Variants in ST6GALNAC5 observed in about 807,000 individuals in gnomAD.
ST6GALNAC5 encodes ST6 N-acetylgalactosaminide alpha-2,6-sialyltransferase 5, also known as alpha-N-acetylgalactosaminide alpha-2,6-sialyltransferase 5.
Under a neutral mutation model 33.6 loss-of-function variants are expected in ST6GALNAC5, and 27 were observed. That is an observed-to-expected ratio of 0.80 (90% CI 0.59 to 1.11). ST6GALNAC5 has a LOEUF of 1.11. ST6GALNAC5 is among the 50% of genes least tolerant of loss of function. The pLI, the probability that ST6GALNAC5 is intolerant of heterozygous loss-of-function variation, is 0.00. For missense variants in ST6GALNAC5, 428 were observed against 454.0 expected, an observed-to-expected ratio of 0.94 and a Z score of 0.52; for synonymous variants, 194 against 171.2, an observed-to-expected ratio of 1.13 and a Z score of -1.04.
chr1:76,886,364 A>G (rs984167471), intron 2 of ST6GALNAC5, among the ~76,000 whole-genome samples: 1 of 152,152 alleles, frequency 6.6e-6, no homozygotes, highest in Non-Finnish European at 1.5e-5. Context: ...TTTTTCAAGT[A>G]TATGGTATTA....
At chr1:76,990,958 T>C (rs1285000674) in intron 2 of ST6GALNAC5, among the ~76,000 whole-genome samples, 1 of 152,120 alleles carries the variant, frequency 6.6e-6, no homozygotes, top group Admixed American at 6.5e-5. Context: ...CTAGGGCTTC[T>C]GGAAAGGAGC....
At chr1:76,912,917 C>T (rs900230391) in intron 2 of ST6GALNAC5, among the ~76,000 whole-genome samples, 3 of 151,176 alleles carry the variant, frequency 2.0e-5, no homozygotes, top group Admixed American at 6.6e-5. Flanking sequence ...AGTCCATTTA[C>T]ATTTAAAGTT....
At chr1:76,965,214 C>T (rs1648412355) in intron 2 of ST6GALNAC5, among the ~76,000 whole-genome samples, 1 of 107,900 alleles carries the variant, frequency 9.3e-6, no homozygotes, top group Admixed American at 9.8e-5. Context: ...ATTAGTTTAC[C>T]ACCCCCCCCA....
chr1:77,022,861 T>C (rs368510039), intron 2 of ST6GALNAC5, among the ~76,000 whole-genome samples: 7 of 152,186 alleles, frequency 4.6e-5, no homozygotes, highest in African/African-American at 1.7e-4. Context: ...GTGTTCTTTA[T>C]GGATATATAT....
rs550372928 is a variant in ST6GALNAC5, at chr1:77,031,395, C to G, written c.262-12809C>G. 2.6e-5 allele frequency among the ~76,000 whole-genome samples: 4 copies of G among 152,340 alleles called. No individual in the cohort carries two copies. In the South Asian group the frequency reaches 8.3e-4, roughly 32 times the overall value. On this transcript the variant is annotated intron_variant, in intron 2 of 4. Coordinates refer to ENST00000477717, the MANE Select transcript of ST6GALNAC5 (RefSeq NM_030965.3). ...TCTTCCACTCTCAGAGCCCCTAACACAGGCAGTTCAGTAAACAAACCATCA... is the reference window on the plus strand; with the variant it reads ...TCTTCCACTCTCAGAGCCCCTAACAGAGGCAGTTCAGTAAACAAACCATCA...
chr1:76,965,754 G>A (rs897041516), intron 2 of ST6GALNAC5, among the ~76,000 whole-genome samples: 1 of 152,184 alleles, frequency 6.6e-6, no homozygotes, highest in Non-Finnish European at 1.5e-5. Flanking sequence ...TAACATTTAA[G>A]TCTTTAATCC....
At position 77,008,887 on chromosome 1, in the gene ST6GALNAC5, G is replaced by GAT. The variant is rs1650526012; in HGVS notation, c.262-35316_262-35315dup. 2.0e-5 allele frequency among the ~76,000 whole-genome samples: 3 copies of GAT among 152,174 alleles called. No individual in the cohort carries two copies. In the South Asian group the frequency reaches 6.2e-4, roughly 32 times the overall value. On this transcript the variant is annotated intron_variant, in intron 2 of 4. Transcript: ENST00000477717. Reference sequence around the variant, plus strand: ...ATCTACAGTTACATCACCACAAACTGATGCCTTTGGCCTGGCCCACAGTGC... The same window carrying GAT: ...ATCTACAGTTACATCACCACAAACTGATATGCCTTTGGCCTGGCCCACAGTGC...
At chr1:77,042,226 A>C (rs1244055421) in intron 2 of ST6GALNAC5, among the ~76,000 whole-genome samples, 1 of 152,220 alleles carries the variant, frequency 6.6e-6, no homozygotes, top group Non-Finnish European at 1.5e-5. Context: ...GCTGAAAAGC[A>C]CTCAGTAAAT....
intron 2 of ST6GALNAC5, among the ~76,000 whole-genome samples, chr1:76,919,638 TAAC>T (rs1348385675): frequency 6.6e-5 from 10 of 152,184 alleles, no homozygotes; most frequent in African/African-American, 2.4e-4. Flanking sequence ...TAATTCATCT[TAAC>T]ATCCCCTGTG....
chr1:76,985,455 G>C (rs1649453013), intron 2 of ST6GALNAC5, among the ~76,000 whole-genome samples: 1 of 152,118 alleles, frequency 6.6e-6, no homozygotes, highest in Non-Finnish European at 1.5e-5. Context: ...ACTTACAAGG[G>C]ATGTGAAGGA....
At position 76,910,061 on chromosome 1, in the gene ST6GALNAC5, C is replaced by T. The variant is rs557944307; in HGVS notation, c.261+41319C>T. Among the ~76,000 whole-genome samples the T allele has an allele frequency of 1.0e-3, 158 of 152,076 alleles. 1 individual carries two copies. The highest frequency in any genetic ancestry group is 3.7e-3 in the African/African-American group (153 of 41,530). On this transcript the variant is annotated intron_variant, in intron 2 of 4. Transcript: ENST00000477717. ...CAAATTTTAAGGAAAAATAACTTTA[C>T]CCTTAAGCCTTAAGCCTCAGGTCTC...
Position 77,019,165 on chromosome 1 carries a change from G to T in ST6GALNAC5, c.262-25039G>T, listed in dbSNP as rs547909455. On this transcript the variant is annotated intron_variant, in intron 2 of 4. Transcript: ENST00000477717. Reference sequence around the variant, plus strand: ...GAGATACCCCTGGATCTTCCCAAAGGTCATTTGTTGCAGGCAGAGGGATTA... The same window carrying T: ...GAGATACCCCTGGATCTTCCCAAAGTTCATTTGTTGCAGGCAGAGGGATTA... 6.6e-5 allele frequency among the ~76,000 whole-genome samples: 10 copies of T among 152,320 alleles called. No individual in the cohort carries two copies. In the South Asian group the frequency reaches 1.9e-3, roughly 28 times the overall value.
At chr1:76,899,074 T>C (rs1020696441) in intron 2 of ST6GALNAC5, among the ~76,000 whole-genome samples, 12 of 152,080 alleles carry the variant, frequency 7.9e-5, no homozygotes, top group Non-Finnish European at 1.8e-4. Context: ...TATTTAGAAC[T>C]TGTAGGGTGG....
chr1:76,888,723 A>G (rs1326991728), intron 2 of ST6GALNAC5, among the ~76,000 whole-genome samples: 2 of 151,870 alleles, frequency 1.3e-5, no homozygotes, highest in East Asian at 1.9e-4. Flanking sequence ...TATTCTTTCA[A>G]TGTCATTCTT....
chr1:77,063,131 T>C lies in ST6GALNAC5; in HGVS notation c.936T>C (p.Asn312=). The C allele has an allele frequency of 6.2e-7, 1 of 1,613,562 alleles. No homozygotes were observed. Among genetic ancestry groups the C allele is most frequent in the South Asian group, 1.1e-5 (1 of 91,054 alleles). The change falls in exon 5 of 5, where the codon AAT becomes AAC. Residue 312 remains asparagine (N), a synonymous_variant. Transcript: ENST00000477717. ...TTAAGAACTGGGCACGGACATTCAA[T>C]ATTCACTTTTTTCAACCAGACTGGA... is the stretch of plus-strand genomic sequence containing the variant. The part of the protein sequence containing the change: ...RVFKNWARTF[N]IHFFQPDWKP...
intron 2 of ST6GALNAC5, among the ~76,000 whole-genome samples, chr1:76,980,495 T>C (rs966071101): frequency 3.3e-5 from 5 of 152,236 alleles, no homozygotes; most frequent in African/African-American, 1.2e-4. Flanking sequence ...GCATATCAAT[T>C]AGACTATATC....
chr1:76,901,916 A>C (rs1646820774), intron 2 of ST6GALNAC5, among the ~76,000 whole-genome samples: 1 of 152,184 alleles, frequency 6.6e-6, no homozygotes, highest in African/African-American at 2.4e-5. Context: ...TGGCCAGCCC[A>C]GTTGCACAGT....
intron 2 of ST6GALNAC5, among the ~76,000 whole-genome samples, chr1:76,960,945 T>C (rs1467040764): frequency 6.6e-6 from 1 of 151,904 alleles, no homozygotes; most frequent in Non-Finnish European, 1.5e-5. Flanking sequence ...GCGACATACA[T>C]CCCCCTCATC....
chr1:76,968,503 G>A (rs890567520), intron 2 of ST6GALNAC5, among the ~76,000 whole-genome samples: 3 of 152,098 alleles, frequency 2.0e-5, no homozygotes, highest in African/African-American at 4.8e-5. Context: ...CTCCTGAATA[G>A]AGCACACTGA....
Sources: gnomAD v4.1 joint callset for allele counts (sites outside exome capture counted in the v4.1 genomes callset) on GRCh38, gnomAD v4.1.1 for gene constraint, MANE v1.5 for transcripts, NCBI Gene and HGNC (gene_info 2026-07-23, HGNC 2026-07-21) for gene names.